PDE4B: variants seen among roughly 807,000 people sequenced by gnomAD.
PDE4B encodes 3',5'-cyclic-AMP phosphodiesterase 4B.
A neutral mutation model predicts 82.2 loss-of-function variants in PDE4B; 20 were observed. That is an observed-to-expected ratio of 0.24 (90% CI 0.17 to 0.35). The LOEUF (loss-of-function observed/expected upper bound fraction) is 0.35. Ranked by LOEUF, PDE4B falls within the 10% of genes least tolerant of loss-of-function variation. The pLI, the probability that PDE4B is intolerant of heterozygous loss-of-function variation, is 1.00. For missense variants in PDE4B, 655 were observed against 907.2 expected, an observed-to-expected ratio of 0.72 and a Z score of 3.57; for synonymous variants, 320 against 318.9, an observed-to-expected ratio of 1.00 and a Z score of -0.04.
At chr1:66,106,478 T>G (rs1250348932) in intron 3 of PDE4B, among the ~76,000 whole-genome samples, 3 of 152,008 alleles carry the variant, frequency 2.0e-5, no homozygotes, top group African/African-American at 7.2e-5. Context: ...GGATTCCCTC[T>G]TTTTCTACTG....
chr1:66,113,735 T>C (rs1645535923), intron 3 of PDE4B, among the ~76,000 whole-genome samples: 1 of 152,212 alleles, frequency 6.6e-6, no homozygotes, highest in Non-Finnish European at 1.5e-5. Context: ...AGAATTCTTG[T>C]CAGTGGAGTT....
chr1:66,250,231 G>A (rs917114001), intron 4 of PDE4B, among the ~76,000 whole-genome samples: 2 of 152,126 alleles, frequency 1.3e-5, no homozygotes, highest in African/African-American at 4.8e-5. Context: ...GATCCAGGAA[G>A]CAAGAAGGGT....
At chr1:66,168,371 G>A (rs1646775983) in intron 3 of PDE4B, among the ~76,000 whole-genome samples, 1 of 152,180 alleles carries the variant, frequency 6.6e-6, no homozygotes, top group Non-Finnish European at 1.5e-5. Flanking sequence ...AATAAAGAGA[G>A]TGCTGTTGTG....
chr1:66,142,358 C>A (rs1411429672), intron 3 of PDE4B, among the ~76,000 whole-genome samples: 1 of 152,180 alleles, frequency 6.6e-6, no homozygotes, highest in Non-Finnish European at 1.5e-5. Flanking sequence ...TGCCAGTTTA[C>A]ATGTTGCTTT....
intron 7 of PDE4B, among the ~76,000 whole-genome samples, chr1:66,292,718 GTTC>G (rs1352659447): frequency 6.6e-6 from 1 of 151,944 alleles, no homozygotes. Flanking sequence ...ATCGTACACT[GTTC>G]TTATTGTTTT....
intron 3 of PDE4B, among the ~76,000 whole-genome samples, chr1:66,043,808 C>T (rs929511483): frequency 6.6e-6 from 1 of 151,660 alleles, no homozygotes; most frequent in South Asian, 2.1e-4. Flanking sequence ...GGATTGTGTT[C>T]TCTAGTAAAT....
intron 3 of PDE4B, among the ~76,000 whole-genome samples, chr1:65,925,096 G>A (rs1402359072): frequency 6.6e-6 from 1 of 152,200 alleles, no homozygotes; most frequent in Admixed American, 6.5e-5. Flanking sequence ...AGCAAGAATA[G>A]TTATTTTACC....
intron 8 of PDE4B, among the ~76,000 whole-genome samples, chr1:66,340,500 C>A (rs1557711909): frequency 6.6e-6 from 1 of 152,020 alleles, no homozygotes; most frequent in East Asian, 1.9e-4. Context: ...AAATCTAGAG[C>A]CCCCAAAGAT....
chr1:66,056,725 A>G (rs1010280939), intron 3 of PDE4B, among the ~76,000 whole-genome samples: 3 of 152,144 alleles, frequency 2.0e-5, no homozygotes, highest in African/African-American at 7.2e-5. Flanking sequence ...ATCATCAGAG[A>G]GATACAATAT....
At chr1:66,043,950 C>G (rs913660943) in intron 3 of PDE4B, among the ~76,000 whole-genome samples, 1 of 151,656 alleles carries the variant, frequency 6.6e-6, no homozygotes, top group Non-Finnish European at 1.5e-5. Context: ...AATTTTGAAA[C>G]TAAAACAAAC....
At chr1:66,175,145 T>TCACCTACC (rs1443613554) in intron 3 of PDE4B, among the ~76,000 whole-genome samples, 1 of 152,174 alleles carries the variant, frequency 6.6e-6, no homozygotes, top group Non-Finnish European at 1.5e-5. Flanking sequence ...CCAAACCATA[T>TCACCTACC]CACCTACCAA....
At chr1:66,040,434 G>T (rs528734100) in intron 3 of PDE4B, among the ~76,000 whole-genome samples, 1 of 152,122 alleles carries the variant, frequency 6.6e-6, no homozygotes, top group Non-Finnish European at 1.5e-5. Context: ...TGTGCAGTGG[G>T]AGTAGGCTAG....
chr1:66,054,406 A>C (rs1357125561), intron 3 of PDE4B, among the ~76,000 whole-genome samples: 1 of 148,864 alleles, frequency 6.7e-6, no homozygotes, highest in African/African-American at 2.5e-5. Context: ...ACTATAACCA[A>C]GTTAAAAAAC....
chr1:66,171,042 G>A (rs142743133), intron 3 of PDE4B, among the ~76,000 whole-genome samples: 5 of 152,198 alleles, frequency 3.3e-5, no homozygotes, highest in South Asian at 2.1e-4. Flanking sequence ...TGATACTTTC[G>A]GGTGGTGTTG....
At chr1:65,886,267 G>T (rs1646775325) in intron 1 of PDE4B, among the ~76,000 whole-genome samples, 2 of 151,716 alleles carry the variant, frequency 1.3e-5, no homozygotes, top group African/African-American at 4.8e-5. Context: ...CATAATATTT[G>T]TATGTATTTA....
intron 4 of PDE4B, among the ~76,000 whole-genome samples, chr1:66,253,608 TAATC>T (rs1025674572): frequency 2.0e-5 from 3 of 152,254 alleles, no homozygotes; most frequent in African/African-American, 7.2e-5. Flanking sequence ...TCAGTTTTCA[TAATC>T]AATCAAATGT....
At chr1:66,100,132 C>A (rs1423465143) in intron 3 of PDE4B, among the ~76,000 whole-genome samples, 1 of 152,020 alleles carries the variant, frequency 6.6e-6, no homozygotes, top group African/African-American at 2.4e-5. Context: ...CGGCTCACTG[C>A]AGTCTCCCCC....
intron 1 of PDE4B, among the ~76,000 whole-genome samples, chr1:65,798,196 T>C (rs1645652838): frequency 6.7e-6 from 1 of 148,314 alleles, no homozygotes; most frequent in Non-Finnish European, 1.5e-5. Flanking sequence ...TTTTGTATTT[T>C]TTTTAGTAGA....
At chr1:65,945,675 A>G (rs539316045) in intron 3 of PDE4B, among the ~76,000 whole-genome samples, 111 of 152,110 alleles carry the variant, frequency 7.3e-4, no homozygotes, top group Admixed American at 1.2e-3. Flanking sequence ...CTCTGTCTCT[A>G]TCACTGTGGC....
Sources: allele counts gnomAD v4.1 joint callset (sites outside exome capture counted in the v4.1 genomes callset), GRCh38; gene constraint gnomAD v4.1.1; transcripts MANE v1.5; gene names NCBI Gene and HGNC (gene_info 2026-07-23, HGNC 2026-07-21).